OCA2: variants seen among roughly 807,000 people sequenced by gnomAD.
The protein encoded by OCA2 is P protein.
A neutral mutation model predicts 100.2 loss-of-function variants in OCA2; 77 were observed. The ratio of observed to expected loss-of-function variants is 0.77; its 90% CI spans 0.64 to 0.93. The LOEUF is 0.93. OCA2 is among the 40% of genes least tolerant of loss of function. OCA2 has a pLI of 0.00. For missense variants in OCA2, 1,062 were observed against 1,089.1 expected (o/e 0.98, Z 0.35); for synonymous variants, 432 against 439.2 (o/e 0.98, Z 0.21).
At chr15:27,770,244 T>A (rs2031613676) in intron 23 of OCA2, among the ~76,000 whole-genome samples, 1 of 152,078 alleles carries the variant, frequency 6.6e-6, no homozygotes, top group Admixed American at 6.5e-5. Context: ...GGGCGGGGGC[T>A]CCGCGGGGTC....
chr15:27,851,250 T>G, intron 22 of OCA2, 132 bp downstream of exon 22: 1 of 793,352 alleles, frequency 1.3e-6, no homozygotes, highest in Non-Finnish European at 2.2e-6. Context: ...AAGCTGAATA[T>G]GTGTGTCCAC....
intron 5 of OCA2, among the ~76,000 whole-genome samples, chr15:28,023,995 C>G (rs563883370): frequency 5.3e-5 from 8 of 152,286 alleles, no homozygotes; most frequent in African/African-American, 1.9e-4. Flanking sequence ...GACAGGAGAC[C>G]ACACACCCAC....
chr15:28,057,661 C>T (rs528432228), intron 2 of OCA2, among the ~76,000 whole-genome samples: 2 of 152,262 alleles, frequency 1.3e-5, no homozygotes, highest in African/African-American at 4.8e-5. Flanking sequence ...AAATATTTAT[C>T]GAGCACTCGC....
At chr15:27,762,573 C>T (rs534957916) in intron 23 of OCA2, among the ~76,000 whole-genome samples, 4 of 152,328 alleles carry the variant, frequency 2.6e-5, no homozygotes, top group East Asian at 1.9e-4. Context: ...AATCATGTGA[C>T]GTGTGGATTA....
chr15:27,979,213 G>A (rs2041066687), intron 14 of OCA2, among the ~76,000 whole-genome samples: 1 of 152,140 alleles, frequency 6.6e-6, no homozygotes, highest in African/African-American at 2.4e-5. Flanking sequence ...TAAGTGTTCT[G>A]AGCACATTTA....
the OCA2 span, among the ~76,000 whole-genome samples, chr15:27,745,524 G>A: frequency 8.5e-5 from 13 of 152,294 alleles, 1 homozygote; most frequent in South Asian, 2.1e-3. Flanking sequence ...ATGCAGACCA[G>A]CAAGTCCCAG....
chr15:27,873,941 G>A (rs1182909652), intron 19 of OCA2, among the ~76,000 whole-genome samples: 1 of 152,168 alleles, frequency 6.6e-6, no homozygotes, highest in African/African-American at 2.4e-5. Context: ...CATATTACTT[G>A]TCTCCTTCAT....
the OCA2 span, among the ~76,000 whole-genome samples, chr15:27,736,667 C>A: frequency 6.6e-6 from 1 of 152,172 alleles, no homozygotes; most frequent in Non-Finnish European, 1.5e-5. Context: ...GAAATAATGG[C>A]CTCAAGTGTT....
At chr15:27,889,687 A>G (rs1595582418) in intron 19 of OCA2, among the ~76,000 whole-genome samples, 3 of 152,236 alleles carry the variant, frequency 2.0e-5, no homozygotes, top group Admixed American at 2.0e-4. Flanking sequence ...GTTATCAGGG[A>G]TTTGCTAGCC....
the OCA2 span, among the ~76,000 whole-genome samples, chr15:27,746,946 A>G: frequency 6.6e-6 from 1 of 152,332 alleles, no homozygotes; most frequent in African/African-American, 2.4e-5. Flanking sequence ...TGTAACAAGA[A>G]CCCTGGCTCA....
chr15:28,066,202 C>T (rs1012084550), intron 2 of OCA2, among the ~76,000 whole-genome samples: 2 of 152,162 alleles, frequency 1.3e-5, no homozygotes, highest in Admixed American at 1.3e-4. Flanking sequence ...ATATGTCCAA[C>T]ACCTATCACT....
intron 19 of OCA2, among the ~76,000 whole-genome samples, chr15:27,876,119 G>A (rs7161804): frequency 0.41 from 62,930 of 151,784 alleles, 14,681 homozygotes; most frequent in African/African-American, 0.6. Context: ...TAAGTTTTTC[G>A]CCATGAAGTA....
At position 27,755,269 on chromosome 15, in the gene OCA2, T is replaced by C. The variant is rs1433677405; in HGVS notation, c.*119A>G. 3 of 734,398 alleles carry C rather than the reference T, an allele frequency of 4.1e-6. No homozygotes were observed. Among genetic ancestry groups the C allele is most frequent in the Admixed American group, 2.0e-5 (1 of 50,004 alleles). The allele number at this position is 734,398 out of a possible 1,614,324, so 45.5% of individuals were successfully genotyped here. On this transcript the variant is annotated 3_prime_UTR_variant, in exon 24 of 24. Coordinates refer to ENST00000354638, the MANE Select transcript of OCA2 (RefSeq NM_000275.3). ...CAAGGTCTATTCCACTGTGTCTCTG[T>C]AGCATCTCCAGGGTAAGCACCTTTT...
chr15:28,006,614 T>A (rs181517835), intron 9 of OCA2, among the ~76,000 whole-genome samples: 6 of 152,334 alleles, frequency 3.9e-5, no homozygotes, highest in Admixed American at 3.3e-4. Flanking sequence ...TCCACCAGTT[T>A]TCCTGCAGTT....
At chr15:27,880,657 C>T (rs985872147) in intron 19 of OCA2, among the ~76,000 whole-genome samples, 18 of 151,998 alleles carry the variant, frequency 1.2e-4, no homozygotes, top group African/African-American at 4.3e-4. Context: ...TCACTCTCTG[C>T]TTGTGTATTG....
chr15:27,999,998 C>A (rs4640132), intron 9 of OCA2, among the ~76,000 whole-genome samples: 152,184 of 152,370 alleles, frequency 1, 75,999 homozygotes, highest in Middle Eastern at 1. Context: ...TCCCATGTTC[C>A]TGGTTTGGAA....
intron 19 of OCA2, among the ~76,000 whole-genome samples, chr15:27,923,571 G>A (rs1168684367): frequency 2.0e-5 from 3 of 152,164 alleles, no homozygotes; most frequent in East Asian, 1.9e-4. Flanking sequence ...GTGTGAGATG[G>A]CATTGCATTG....
At chr15:27,978,076 T>G (rs2041027116) in intron 14 of OCA2, among the ~76,000 whole-genome samples, 1 of 152,244 alleles carries the variant, frequency 6.6e-6, no homozygotes. Context: ...CTGAAATGTG[T>G]GTTATTTAGT....
chr15:27,834,114 GAA>G (rs2035060129), intron 23 of OCA2, among the ~76,000 whole-genome samples: 1 of 152,180 alleles, frequency 6.6e-6, no homozygotes, highest in Non-Finnish European at 1.5e-5. Flanking sequence ...GGCATGATTA[GAA>G]AGTTAAAACT....
Sources: gnomAD v4.1 joint callset for allele counts (sites outside exome capture counted in the v4.1 genomes callset) on GRCh38, gnomAD v4.1.1 for gene constraint, MANE v1.5 for transcripts, NCBI Gene and HGNC (gene_info 2026-07-23, HGNC 2026-07-21) for gene names.